Variants in ITIH4 observed in about 807,000 individuals in gnomAD.
ITIH4 encodes inter-alpha-trypsin inhibitor heavy chain 4, also known as inter-alpha-trypsin inhibitor heavy chain H4.
In ITIH4, 79 loss-of-function variants were observed where a neutral mutation model predicts 111.8. The ratio of observed to expected loss-of-function variants is 0.71; its 90% CI spans 0.59 to 0.85. The LOEUF (loss-of-function observed/expected upper bound fraction) is 0.85. Ranked by LOEUF, ITIH4 falls within the 40% of genes least tolerant of loss-of-function variation. The pLI, the probability that ITIH4 is intolerant of heterozygous loss-of-function variation, is 0.00. For synonymous variants in ITIH4, 472 were observed against 468.3 expected (o/e 1.01, Z -0.10); for missense variants, 1,065 against 1,195.8 (o/e 0.89, Z 1.61).
At chr3:52,813,901 G>A (rs1700230983) in intron 23 of ITIH4, 74 bp downstream of exon 23, 1 of 1,189,316 alleles carries the variant, frequency 8.4e-7, no homozygotes, top group East Asian at 2.5e-5. Context: ...TGGGGCCCTG[G>A]AGAGCCTGGC....
chr3:52,816,862 C>T (rs1399938362), intron 21 of ITIH4, 22 bp downstream of exon 21: 10 of 1,608,354 alleles, frequency 6.2e-6, no homozygotes, highest in South Asian at 3.3e-5. Context: ...ACCCCTGCCC[C>T]GGGCTCCAGC....
intron 11 of ITIH4, among the ~76,000 whole-genome samples, chr3:52,821,452 G>A (rs1578776166): frequency 2.6e-5 from 4 of 152,100 alleles, no homozygotes; most frequent in Admixed American, 1.3e-4. Context: ...AACAGCAGCA[G>A]GAAGGATTTG....
rs1331843324 is a variant in ITIH4, at chr3:52,819,470, G to A, written c.2000C>T (p.Ser667Phe). ...AGGTCCTGGGAGTCCAAGTTGCCTGGAGCTGAGAACCCCAGGTCTGAAATT... is the reference window on the plus strand; with the variant it reads ...AGGTCCTGGGAGTCCAAGTTGCCTGAAGCTGAGAACCCCAGGTCTGAAATT... The part of the protein sequence containing the change: ...RMNFRPGVLS[S>F]RQLGLPGPPD... The change falls in exon 17 of 24, where the codon TCC becomes TTC. Residue 667 changes from serine (S) to phenylalanine (F), a missense_variant. Coordinates refer to ENST00000266041, the MANE Select transcript of ITIH4 (RefSeq NM_002218.5). 1.1e-5 allele frequency: 18 copies of A among 1,614,026 alleles called. No homozygotes were observed. Among genetic ancestry groups the A allele is most frequent in the Non-Finnish European group, 1.4e-5 (17 of 1,180,016 alleles).
Position 52,820,733 on chromosome 3 carries a change from A to T in ITIH4, c.1732T>A (p.Leu578Ile). 4 of 1,614,078 alleles carry T rather than the reference A, an allele frequency of 2.5e-6. No homozygotes were observed. Among genetic ancestry groups the T allele is most frequent in the Non-Finnish European group, 3.4e-6 (4 of 1,179,986 alleles). ...GTGACAAAGCTGTAGGCAAGTGATA[A>T]ATTCAGCGCTTGGTTCCGGAGGGCC... Reference protein sequence around the residue: ...QQALRNQALNLSLAYSFVTPL... With the variant: ...QQALRNQALNISLAYSFVTPL... The change falls in exon 13 of 24, where the codon TTA becomes ATA. Residue 578 changes from leucine to isoleucine, a missense_variant. By Grantham distance (5) the Leu-to-Ile change is conservative (BLOSUM62 2). Transcript: ENST00000266041.
intron 11 of ITIH4, chr3:52,823,278 G>C: frequency 2.5e-6 from 1 of 400,484 alleles, no homozygotes; most frequent in Non-Finnish European, 4.5e-6. Flanking sequence ...CAACCTGAGA[G>C]GGTTGTGGTA....
At chr3:52,820,944 G>A (rs1700369473) in intron 12 of ITIH4, 47 bp downstream of exon 12, 1 of 1,600,054 alleles carries the variant, frequency 6.2e-7, no homozygotes, top group Non-Finnish European at 8.5e-7. Flanking sequence ...CGTGCCACCT[G>A]TGCCTGCCCC....
intron 11 of ITIH4, among the ~76,000 whole-genome samples, chr3:52,822,548 C>T (rs528961878): frequency 1.3e-5 from 2 of 152,314 alleles, no homozygotes; most frequent in African/African-American, 4.8e-5. Context: ...GGACATCAAT[C>T]ACAGTGACTT....
At chr3:52,813,571 A>G (rs1700226756) in intron 23 of ITIH4, 81 bp from the exon 24 acceptor site, 1 of 1,229,810 alleles carries the variant, frequency 8.1e-7, no homozygotes, top group Non-Finnish European at 1.2e-6. Flanking sequence ...AGCTGGGGAC[A>G]GGAACATGGA....
Position 52,824,040 on chromosome 3 carries a change from A to G in ITIH4, c.1172-36T>C, listed in dbSNP as rs1312642628. ...GGGTTTGGGATGAGGGTGAGAAAAT[A>G]GTGATTTGCTTGAAGAATATTTCTG... On this transcript the variant is annotated intron_variant, in intron 9 of 23. Coordinates refer to ENST00000266041, the MANE Select transcript of ITIH4 (RefSeq NM_002218.5). The surrounding 1 kb of genome is among the most constrained non-coding windows in gnomAD (Gnocchi z 4.3). 1 of 1,542,930 alleles carries G rather than the reference A, an allele frequency of 6.5e-7. No homozygotes were observed. Among genetic ancestry groups the G allele is most frequent in the Admixed American group, 2.0e-5 (1 of 50,862 alleles).
At chr3:52,813,607 A>G in intron 23 of ITIH4, 117 bp from the exon 24 acceptor site, 1 of 905,802 alleles carries the variant, frequency 1.1e-6, no homozygotes, top group Admixed American at 1.9e-5. Context: ...GCGTCCCTTT[A>G]GAATTCCCTC....
At chr3:52,827,326 C>A in intron 2 of ITIH4, 129 bp from the exon 3 acceptor site, 1 of 755,716 alleles carries the variant, frequency 1.3e-6, no homozygotes, top group African/African-American at 1.7e-5. Context: ...TTGCCTGAGC[C>A]CAGTGCCATT....
intron 2 of ITIH4, among the ~76,000 whole-genome samples, chr3:52,827,520 G>A (rs566371773): frequency 5.9e-5 from 9 of 152,332 alleles, no homozygotes; most frequent in Non-Finnish European, 1.2e-4. Flanking sequence ...CAGTCTGGCC[G>A]AAGCTGGCCC....
intron 2 of ITIH4, among the ~76,000 whole-genome samples, 183 bp downstream of exon 2, chr3:52,828,936 G>A (rs904763785): frequency 2.0e-5 from 3 of 152,170 alleles, no homozygotes; most frequent in African/African-American, 7.2e-5. Context: ...GAAGGACGGG[G>A]GCATCTTTGA....
In ITIH4 at chr3:52,813,485, C is replaced by T. The variant is rs113454148; in HGVS notation, c.2729G>A (p.Arg910His). 85 of 1,613,842 alleles carry T rather than the reference C, an allele frequency of 5.3e-5. 2 individuals carry two copies. In the Middle Eastern group the frequency reaches 1.7e-3, roughly 31 times the overall value. ...QGNDHSATRE[R>H]RLDYQEGPPG... ...GGGCCCCTCCTGGTAATCCAGCCTG[C>T]GCTCTCTGAAATGGAAAGACAGACA... The change falls in exon 24 of 24, where the codon CGC (arginine) becomes CAC (histidine). Residue 910 changes from arginine (R) to histidine (H), a missense_variant. Physicochemically the swap from Arg to His is conservative, Grantham distance 29. Coordinates refer to ENST00000266041, the MANE Select transcript of ITIH4 (RefSeq NM_002218.5).
intron 11 of ITIH4, 81 bp downstream of exon 11, chr3:52,823,475 G>A: frequency 1.7e-6 from 2 of 1,210,768 alleles, no homozygotes; most frequent in South Asian, 1.5e-5. Flanking sequence ...AGCTGGGCAG[G>A]TCTGGGATTT....
In ITIH4 at chr3:52,823,758, G is replaced by A; in HGVS notation, c.1354-17C>T. 1.9e-6 allele frequency: 3 copies of A among 1,614,064 alleles called. No homozygotes were observed. Among genetic ancestry groups the A allele is most frequent in the Non-Finnish European group, 2.5e-6 (3 of 1,179,956 alleles). ...GTAGAAGTCCTGCAGGGTTGGGGGT[G>A]TCATAAAGGCTGGGCTTTATGACTG... On this transcript the variant is annotated splice_polypyrimidine_tract_variant and intron_variant, in intron 10 of 23. Transcript: ENST00000266041.
chr3:52,826,195 G>C (rs1021183523), intron 5 of ITIH4, among the ~76,000 whole-genome samples, 181 bp from the exon 6 acceptor site: 1 of 152,240 alleles, frequency 6.6e-6, no homozygotes, highest in African/African-American at 2.4e-5. Flanking sequence ...GGAGGGGTGT[G>C]ATGAGCTCCC....
intron 21 of ITIH4, 117 bp downstream of exon 21, chr3:52,816,767 T>C: frequency 2.1e-6 from 2 of 975,144 alleles, no homozygotes; most frequent in Non-Finnish European, 3.1e-6. Flanking sequence ...TTGCCCCTCC[T>C]GTGAGTGTAG....
In ITIH4 at chr3:52,817,231, A is replaced by G. The variant is rs186555403; in HGVS notation, c.2297-173T>C. Among the ~76,000 whole-genome samples the G allele has an allele frequency of 1.0e-2, 1,517 of 152,182 alleles. 36 individuals carry two copies. The highest frequency in any genetic ancestry group is 0.035 in the African/African-American group (1,441 of 41,530). The stretch of plus-strand genomic sequence containing the variant: ...TTCACACTGGGGGCTGGCTCCCACA[A>G]TCTCTCCACTTGTCCCTTGGTGTCT... On this transcript the variant is annotated intron_variant, in intron 20 of 23. Coordinates refer to ENST00000266041, the MANE Select transcript of ITIH4 (RefSeq NM_002218.5).
Sources: allele counts gnomAD v4.1 joint callset (sites outside exome capture counted in the v4.1 genomes callset), GRCh38; gene constraint gnomAD v4.1.1; non-coding constraint Gnocchi (gnomAD v3.1); transcripts MANE v1.5; gene names NCBI Gene and HGNC (gene_info 2026-07-23, HGNC 2026-07-21).